Variants in GALNTL6 observed in about 807,000 individuals in gnomAD.
The protein encoded by GALNTL6 is polypeptide N-acetylgalactosaminyltransferase-like 6.
GALNTL6 carries 46 observed loss-of-function variants against 73.7 expected under a neutral mutation model. The ratio of observed to expected loss-of-function variants is 0.62; its 90% CI spans 0.49 to 0.80. The LOEUF is 0.80. Ranked by LOEUF, GALNTL6 falls within the 30% of genes least tolerant of loss-of-function variation. The pLI, the probability that GALNTL6 is intolerant of heterozygous loss-of-function variation, is 0.00. For synonymous variants in GALNTL6, 259 were observed against 263.7 expected, an observed-to-expected ratio of 0.98 and a Z score of 0.17; for missense variants, 604 against 755.0, an observed-to-expected ratio of 0.80 and a Z score of 2.34.
intron 5 of GALNTL6, among the ~76,000 whole-genome samples, chr4:172,461,562 A>G (rs752801391): frequency 5.9e-5 from 9 of 152,206 alleles, no homozygotes; most frequent in Non-Finnish European, 1.2e-4. Flanking sequence ...GCAGGGGAAC[A>G]GTGTTTCACT....
chr4:172,074,579 G>A (rs1022563528), intron 2 of GALNTL6, among the ~76,000 whole-genome samples: 2 of 151,866 alleles, frequency 1.3e-5, no homozygotes, highest in African/African-American at 4.8e-5. Context: ...GTTACAGATG[G>A]TCATATAGCA....
At chr4:172,822,240 C>T (rs1741973352) in intron 7 of GALNTL6, among the ~76,000 whole-genome samples, 1 of 152,172 alleles carries the variant, frequency 6.6e-6, no homozygotes, top group South Asian at 2.1e-4. Flanking sequence ...CTCTGGGTTC[C>T]TGGGATAGCT....
chr4:172,899,923 A>C (rs951782867), intron 8 of GALNTL6, among the ~76,000 whole-genome samples: 1 of 152,134 alleles, frequency 6.6e-6, no homozygotes, highest in Non-Finnish European at 1.5e-5. Context: ...CGCAGAAGTC[A>C]TTTTTGTTGC....
At chr4:172,418,706 A>G (rs1441510110) in intron 5 of GALNTL6, among the ~76,000 whole-genome samples, 2 of 152,156 alleles carry the variant, frequency 1.3e-5, no homozygotes, top group Non-Finnish European at 2.9e-5. Flanking sequence ...AACATCTAAT[A>G]TTAGCATTCT....
rs1579494435 is a variant in GALNTL6, at chr4:171,834,323, A to G, written c.138+19605A>G. 2.0e-5 allele frequency among the ~76,000 whole-genome samples: 3 copies of G among 151,932 alleles called. No individual in the cohort carries two copies. The East Asian group carries it at 5.8e-4, about 29-fold the overall frequency. On this transcript the variant is annotated intron_variant, in intron 2 of 12. Transcript: ENST00000506823. ...TGAATGTATTGGCCAAAACCACACA[A>G]TGAGTTAACATTCATGCCTCAGTTT...
intron 5 of GALNTL6, among the ~76,000 whole-genome samples, chr4:172,456,213 C>T (rs1732393224): frequency 6.6e-6 from 1 of 152,024 alleles, no homozygotes; most frequent in South Asian, 2.1e-4. Flanking sequence ...ACATTAAAGG[C>T]CAAATGTAGA....
intron 11 of GALNTL6, among the ~76,000 whole-genome samples, chr4:173,016,008 G>A (rs543523916): frequency 6.6e-6 from 1 of 152,222 alleles, no homozygotes; most frequent in East Asian, 1.9e-4. Flanking sequence ...AGGTGCCAAG[G>A]TACAGCTCAG....
chr4:172,277,804 A>G (rs188265519), intron 3 of GALNTL6, among the ~76,000 whole-genome samples: 130 of 152,356 alleles, frequency 8.5e-4, no homozygotes, highest in Admixed American at 5.6e-3. Context: ...AACCCTACTT[A>G]TACATGCTGC....
chr4:173,002,040 A>G (rs1455291707), intron 10 of GALNTL6, among the ~76,000 whole-genome samples: 4 of 152,224 alleles, frequency 2.6e-5, no homozygotes, highest in Non-Finnish European at 5.9e-5. Context: ...ATTGAAAACA[A>G]GGATGGGAAA....
At chr4:173,014,236 TGATATCATGG>T (rs1752682581) in intron 11 of GALNTL6, among the ~76,000 whole-genome samples, 1 of 152,240 alleles carries the variant, frequency 6.6e-6, no homozygotes, top group Non-Finnish European at 1.5e-5. Flanking sequence ...CATAGCTGTT[TGATATCATGG>T]TAGCATTATG....
chr4:172,012,246 G>A (rs1311285109), intron 2 of GALNTL6, among the ~76,000 whole-genome samples: 1 of 151,990 alleles, frequency 6.6e-6, no homozygotes, highest in Non-Finnish European at 1.5e-5. Flanking sequence ...CCTAAACAGT[G>A]TCACCATAAG....
At chr4:171,826,028 A>T (rs1734815877) in intron 2 of GALNTL6, among the ~76,000 whole-genome samples, 1 of 152,186 alleles carries the variant, frequency 6.6e-6, no homozygotes, top group Non-Finnish European at 1.5e-5. Flanking sequence ...GTGTCACCTT[A>T]ACAGAAACAA....
chr4:171,860,169 G>A (rs528124806), intron 2 of GALNTL6, among the ~76,000 whole-genome samples: 2 of 152,268 alleles, frequency 1.3e-5, no homozygotes, highest in Non-Finnish European at 2.9e-5. Flanking sequence ...GTCAAGCCCT[G>A]TTCAAACATT....
intron 2 of GALNTL6, among the ~76,000 whole-genome samples, chr4:172,008,054 T>C (rs10213288): frequency 0.98 from 149,338 of 152,180 alleles, 73,335 homozygotes; most frequent in Middle Eastern, 1. Flanking sequence ...AGAATAATTA[T>C]ATTTTGTGAC....
intron 2 of GALNTL6, among the ~76,000 whole-genome samples, chr4:172,049,563 G>T (rs1730768493): frequency 6.6e-6 from 1 of 152,278 alleles, no homozygotes. Context: ...TAGAAGTTGT[G>T]CCAGCTACAA....
intron 8 of GALNTL6, among the ~76,000 whole-genome samples, chr4:172,921,883 A>G (rs966119491): frequency 3.9e-5 from 6 of 152,190 alleles, no homozygotes; most frequent in African/African-American, 1.4e-4. Flanking sequence ...TGTCAAAAGA[A>G]GACACATTAT....
intron 2 of GALNTL6, among the ~76,000 whole-genome samples, chr4:171,856,645 C>T (rs1735700133): frequency 6.6e-6 from 1 of 152,104 alleles, no homozygotes; most frequent in Non-Finnish European, 1.5e-5. Flanking sequence ...CTTTCTTTTG[C>T]ATATGGATGT....
intron 2 of GALNTL6, among the ~76,000 whole-genome samples, chr4:171,824,823 C>T (rs1031587477): frequency 6.6e-6 from 1 of 151,556 alleles, no homozygotes; most frequent in Non-Finnish European, 1.5e-5. Context: ...TCATGTTTAA[C>T]TTCTTCTTTC....
chr4:171,950,868 A>G lies in GALNTL6; in HGVS notation c.138+136150A>G, dbSNP rs141946313. ...TGTTATTATTTCTAAGACGCACATT[A>G]AATTATGGAATGGGTGTACAGAATT... On this transcript the variant is annotated intron_variant, in intron 2 of 12. Transcript: ENST00000506823. Among the ~76,000 whole-genome samples, 887 of 152,282 alleles carry G rather than the reference A, an allele frequency of 5.8e-3. 8 individuals are homozygous for G. The highest frequency in any genetic ancestry group is 0.02 in the African/African-American group (846 of 41,558).
Sources: allele counts gnomAD v4.1 joint callset (sites outside exome capture counted in the v4.1 genomes callset), GRCh38; gene constraint gnomAD v4.1.1; transcripts MANE v1.5; gene names NCBI Gene and HGNC (gene_info 2026-07-23, HGNC 2026-07-21).